PRPF3: variants seen among roughly 807,000 people sequenced by gnomAD.
The protein encoded by PRPF3 is pre-mRNA processing factor 3.
Under a neutral mutation model 89.2 loss-of-function variants are expected in PRPF3, and 3 were observed. The ratio of observed to expected loss-of-function variants is 0.03; its 90% CI spans 0.02 to 0.09. The LOEUF (loss-of-function observed/expected upper bound fraction) is 0.09, where lower values mean the gene tolerates loss of function less well. Ranked by LOEUF, PRPF3 falls within the 10% of genes least tolerant of loss-of-function variation. The pLI is 1.00. For missense variants in PRPF3, 463 were observed against 828.8 expected (o/e 0.56, Z 5.42); for synonymous variants, 270 against 289.1 (o/e 0.93, Z 0.67).
intron 2 of PRPF3, 43 bp from the exon 3 acceptor site, chr1:150,325,708 A>T (rs1316813521): frequency 1.9e-6 from 3 of 1,602,558 alleles, no homozygotes; most frequent in Non-Finnish European, 1.7e-6. Context: ...TAGACTGTGT[A>T]CTCTTACCTT....
chr1:150,348,393 A>G (rs1334529173), intron 14 of PRPF3, among the ~76,000 whole-genome samples: 8 of 150,790 alleles, frequency 5.3e-5, no homozygotes, highest in African/African-American at 2.0e-4. Flanking sequence ...ATAAAAATAT[A>G]AATAAAATCT....
At chr1:150,335,803 C>T (rs1656922614) in intron 7 of PRPF3, among the ~76,000 whole-genome samples, 1 of 139,706 alleles carries the variant, frequency 7.2e-6, no homozygotes, top group Non-Finnish European at 1.5e-5. Flanking sequence ...GAGTCTTGCA[C>T]TGTTACCTGG....
At chr1:150,330,888 T>C (rs1656289937) in intron 4 of PRPF3, among the ~76,000 whole-genome samples, 1 of 151,030 alleles carries the variant, frequency 6.6e-6, no homozygotes, top group Non-Finnish European at 1.5e-5. Context: ...AGCTAATTTT[T>C]TTGTATGTTT....
intron 4 of PRPF3, among the ~76,000 whole-genome samples, chr1:150,331,321 G>A (rs1248054263): frequency 6.6e-6 from 1 of 152,182 alleles, no homozygotes. Context: ...ACAGGCGTGA[G>A]CCACCACGCC....
intron 14 of PRPF3, among the ~76,000 whole-genome samples, chr1:150,346,871 G>A (rs1658318548): frequency 6.6e-6 from 1 of 152,168 alleles, no homozygotes. Context: ...CAGATTGCCT[G>A]AGGCCAGGAG....
chr1:150,333,943 A>G (rs1382540503), intron 6 of PRPF3, among the ~76,000 whole-genome samples: 1 of 152,194 alleles, frequency 6.6e-6, no homozygotes, highest in Admixed American at 6.6e-5. Flanking sequence ...TTATAAATTC[A>G]TATAATTTAT....
intron 15 of PRPF3, 22 bp downstream of exon 15, chr1:150,349,240 A>T: frequency 6.3e-7 from 1 of 1,598,830 alleles, no homozygotes; most frequent in South Asian, 1.1e-5. Flanking sequence ...TTTGTAAAAC[A>T]TTGTAAAACT....
chr1:150,352,049 A>G (rs1465247982), intron 15 of PRPF3, among the ~76,000 whole-genome samples: 3 of 152,132 alleles, frequency 2.0e-5, no homozygotes, highest in Non-Finnish European at 4.4e-5. Flanking sequence ...GCTGCTGGTA[A>G]CTTTGGCAAG....
In PRPF3 at chr1:150,338,335, G is replaced by C. The variant is rs1657269720; in HGVS notation, c.1202+9G>C. 1 of 1,613,206 alleles carries C rather than the reference G, an allele frequency of 6.2e-7. No individual in the cohort carries two copies. The highest frequency in any genetic ancestry group is 1.7e-5 in the Admixed American group (1 of 59,972). ...CCCAATGGCTTTGATCTGTGAGTTTGTTTTAGTACCTTTTTAAAAAAACAG... is the reference window on the plus strand; with the variant it reads ...CCCAATGGCTTTGATCTGTGAGTTTCTTTTAGTACCTTTTTAAAAAAACAG... On this transcript the variant is annotated intron_variant, in intron 8 of 15. Coordinates refer to ENST00000324862, the MANE Select transcript of PRPF3 (RefSeq NM_004698.4).
In PRPF3 at chr1:150,353,025, A is replaced by G. The variant is rs1313950289; in HGVS notation, c.*46A>G. On this transcript the variant is annotated 3_prime_UTR_variant, in exon 16 of 16. Coordinates refer to ENST00000324862, the MANE Select transcript of PRPF3 (RefSeq NM_004698.4). ...TCTCCTCCCTTGCCTTTGTCTCTTC[A>G]GTCCTCTCACTTATTCTATTTCCCA... 1 of 1,611,160 alleles carries G rather than the reference A, an allele frequency of 6.2e-7. No individual in the cohort carries two copies. Among genetic ancestry groups the G allele is most frequent in the Non-Finnish European group, 8.5e-7 (1 of 1,177,910 alleles).
intron 7 of PRPF3, among the ~76,000 whole-genome samples, chr1:150,335,700 G>A: frequency 6.6e-6 from 1 of 151,664 alleles, no homozygotes; most frequent in East Asian, 1.9e-4. Flanking sequence ...CCTGACCTCA[G>A]GTGATCTGCC....
rs1655651388 is a variant in PRPF3, at chr1:150,325,832, C to G, written c.227C>G (p.Ser76Cys). 1 of 1,613,742 alleles carries G rather than the reference C, an allele frequency of 6.2e-7. No homozygotes were observed. Among genetic ancestry groups the G allele is most frequent in the South Asian group, 1.1e-5 (1 of 91,062 alleles). Residue 76 changes from serine to cysteine, a missense_variant, in exon 3 of 16, where the codon TCT becomes TGT. Coordinates refer to ENST00000324862, the MANE Select transcript of PRPF3 (RefSeq NM_004698.4). ...GAGGCTGTGGAGGAAGGCCGAAGCTCTAGGCATTCCAAGTCTAGCAGTGAC... is the reference window on the plus strand; with the variant it reads ...GAGGCTGTGGAGGAAGGCCGAAGCTGTAGGCATTCCAAGTCTAGCAGTGAC... ...LFEAVEEGRS[S>C]RHSKSSSDRS...
chr1:150,350,032 A>G (rs1180658036), intron 15 of PRPF3, among the ~76,000 whole-genome samples: 1 of 151,614 alleles, frequency 6.6e-6, no homozygotes, highest in Non-Finnish European at 1.5e-5. Flanking sequence ...AGTAGCTGGG[A>G]TTACAGGTGC....
chr1:150,330,932 TG>T (rs1321796124), intron 4 of PRPF3, among the ~76,000 whole-genome samples: 7 of 151,788 alleles, frequency 4.6e-5, no homozygotes, highest in Non-Finnish European at 1.0e-4. Flanking sequence ...TTGGTCAGGC[TG>T]GTCTCGAACT....
intron 5 of PRPF3, 105 bp from the exon 6 acceptor site, chr1:150,332,874 A>C (rs1656566634): frequency 2.0e-6 from 3 of 1,488,396 alleles, no homozygotes; most frequent in Non-Finnish European, 2.8e-6. Context: ...TCACTTCATA[A>C]TCATCTGCTA....
chr1:150,336,790 A>G lies in PRPF3; in HGVS notation c.1036-1370A>G, dbSNP rs587690851. Among the ~76,000 whole-genome samples, 34 of 151,504 alleles carry G rather than the reference A, an allele frequency of 2.2e-4. No homozygotes were observed. The South Asian group carries it at 2.5e-3, about 11-fold the overall frequency. ...ATATATATATTTATTAATATAATAC[A>G]TAATTTTTTTAGCAGATTTTACTTC... On this transcript the variant is annotated intron_variant, in intron 7 of 15. Transcript: ENST00000324862.
At chr1:150,339,156 C>T (rs1316758007) in intron 8 of PRPF3, among the ~76,000 whole-genome samples, 1 of 150,724 alleles carries the variant, frequency 6.6e-6, no homozygotes, top group Non-Finnish European at 1.5e-5. Context: ...TGCTTGAGCC[C>T]AGGAGTTAAA....
At chr1:150,333,540 C>T (rs1195444838) in intron 6 of PRPF3, among the ~76,000 whole-genome samples, 1 of 152,132 alleles carries the variant, frequency 6.6e-6, no homozygotes, top group Non-Finnish European at 1.5e-5. Flanking sequence ...GCGTGGGTGA[C>T]AGAGGGAGAC....
In PRPF3 at chr1:150,346,461, G is replaced by C; in HGVS notation, c.1813G>C (p.Asp605His). The change falls in exon 14 of 16, where the codon GAT becomes CAT. Residue 605 changes from aspartate (D) to histidine (H), a missense_variant. Asp to His is a moderately conservative substitution (Grantham distance 81). Transcript: ENST00000324862. ...KRLMLHRIKWDEQTSNTKGDD... is the reference protein window; with the variant it reads ...KRLMLHRIKWHEQTSNTKGDD... ...TCTTATGCTGCATCGGATAAAGTGG[G>C]ATGAACAGACATCTAACACAAAGGG... is the stretch of plus-strand genomic sequence containing the variant. 4 of 1,613,910 alleles carry C rather than the reference G, an allele frequency of 2.5e-6. No individual in the cohort carries two copies. Among genetic ancestry groups the C allele is most frequent in the Non-Finnish European group, 3.4e-6 (4 of 1,179,886 alleles).
Sources: allele counts gnomAD v4.1 joint callset (sites outside exome capture counted in the v4.1 genomes callset), GRCh38; gene constraint gnomAD v4.1.1; transcripts MANE v1.5; gene names NCBI Gene and HGNC (gene_info 2026-07-23, HGNC 2026-07-21).